Variants in CNOT6L observed in about 807,000 individuals in gnomAD.
CNOT6L encodes the protein CCR4-NOT transcription complex subunit 6-like.
A neutral mutation model predicts 64.0 loss-of-function variants in CNOT6L; 7 were observed. The ratio of observed to expected loss-of-function variants is 0.11; its 90% CI spans 0.06 to 0.21. CNOT6L has a LOEUF of 0.21. Among genes scored for constraint, CNOT6L ranks in the 10% least tolerant of loss-of-function variants. The pLI, the probability that CNOT6L is intolerant of heterozygous loss-of-function variation, is 1.00. For synonymous variants in CNOT6L, 193 were observed against 243.4 expected, an observed-to-expected ratio of 0.79 and a Z score of 1.93; for missense variants, 245 against 669.0, an observed-to-expected ratio of 0.37 and a Z score of 6.99.
At chr4:77,815,252 C>T (rs1733433510) in intron 1 of CNOT6L, among the ~76,000 whole-genome samples, 1 of 152,148 alleles carries the variant, frequency 6.6e-6, no homozygotes, top group Non-Finnish European at 1.5e-5. Context: ...AGAGAAATAA[C>T]TCAAACTGCC....
chr4:77,798,167 G>A (rs963023397), intron 1 of CNOT6L, among the ~76,000 whole-genome samples: 1 of 152,012 alleles, frequency 6.6e-6, no homozygotes, highest in African/African-American at 2.4e-5. Flanking sequence ...TCTTTACAAA[G>A]TAATACAAAA....
intron 1 of CNOT6L, among the ~76,000 whole-genome samples, chr4:77,800,293 G>C (rs1415930725): frequency 6.6e-6 from 1 of 152,054 alleles, no homozygotes; most frequent in Non-Finnish European, 1.5e-5. Flanking sequence ...CTTGAGCCCA[G>C]GCGTTCAAGG....
intron 8 of CNOT6L, among the ~76,000 whole-genome samples, chr4:77,733,677 G>A (rs911026282): frequency 6.6e-6 from 1 of 151,930 alleles, no homozygotes; most frequent in Non-Finnish European, 1.5e-5. Context: ...GGGCGTAGGG[G>A]CAGGGGAGCA....
At chr4:77,739,888 C>A (rs1032505671) in intron 8 of CNOT6L, among the ~76,000 whole-genome samples, 5 of 152,126 alleles carry the variant, frequency 3.3e-5, no homozygotes, top group African/African-American at 1.2e-4. Flanking sequence ...TTAACTACTT[C>A]TAGTAAATTG....
chr4:77,743,416 T>C (rs1723811681), intron 7 of CNOT6L, among the ~76,000 whole-genome samples: 1 of 152,078 alleles, frequency 6.6e-6, no homozygotes, highest in Admixed American at 6.6e-5. Flanking sequence ...CCCAATTCTC[T>C]GTTAGTCTCA....
At chr4:77,773,245 T>G (rs1727792576) in intron 3 of CNOT6L, 79 bp from the exon 4 acceptor site, 1 of 820,758 alleles carries the variant, frequency 1.2e-6, no homozygotes, top group African/African-American at 1.7e-5. Context: ...TTAAGGCTCC[T>G]TCTAACATAC....
chr4:77,729,454 T>G (rs1722201796), intron 9 of CNOT6L, among the ~76,000 whole-genome samples: 1 of 152,228 alleles, frequency 6.6e-6, no homozygotes, highest in Non-Finnish European at 1.5e-5. Flanking sequence ...CTCATTCACC[T>G]TGCATTTCCC....
At chr4:77,773,595 T>C (rs1473643455) in intron 3 of CNOT6L, among the ~76,000 whole-genome samples, 1 of 152,164 alleles carries the variant, frequency 6.6e-6, no homozygotes, top group African/African-American at 2.4e-5. Flanking sequence ...CTGTAATTAG[T>C]AGCCAATCAC....
chr4:77,809,877 A>G (rs973286866), intron 1 of CNOT6L, among the ~76,000 whole-genome samples: 8 of 152,108 alleles, frequency 5.3e-5, no homozygotes, highest in African/African-American at 1.9e-4. Flanking sequence ...AAGTGTTTTA[A>G]TCTCTATTTT....
chr4:77,810,852 TC>T (rs1415790717), intron 1 of CNOT6L, among the ~76,000 whole-genome samples: 1 of 152,132 alleles, frequency 6.6e-6, no homozygotes, highest in African/African-American at 2.4e-5. Context: ...TTCTAAGAGA[TC>T]GACTTTTTTT....
chr4:77,796,023 A>G (rs192761738), intron 1 of CNOT6L, among the ~76,000 whole-genome samples: 25 of 151,710 alleles, frequency 1.6e-4, no homozygotes, highest in African/African-American at 6.0e-4. Context: ...TTTATTTTAG[A>G]TTCAGGGAGT....
At position 77,715,000 on chromosome 4, in the gene CNOT6L, A is replaced by G. The variant is rs1720594751; in HGVS notation, c.*5431T>C. On this transcript the variant is annotated 3_prime_UTR_variant, in exon 12 of 12. Coordinates refer to ENST00000504123, the MANE Select transcript of CNOT6L (RefSeq NM_144571.3). ...ATTAAATTGGTACATATAACAATTG[A>G]TAGCTTGAAAGACAATACATCAGTG... 1 of 152,442 alleles carries G rather than the reference A, an allele frequency of 6.6e-6. No homozygotes were observed. The highest frequency in any genetic ancestry group is 2.1e-4 in the South Asian group (1 of 4,836). The allele number at this position is 152,442 out of a possible 1,614,324, so 9.4% of individuals were successfully genotyped here. A position where few individuals can be genotyped will look rare whatever the true frequency, so the allele number is the denominator to read the frequency against.
At chr4:77,817,296 ACTT>A (rs1013969113) in intron 1 of CNOT6L, among the ~76,000 whole-genome samples, 97 of 152,296 alleles carry the variant, frequency 6.4e-4, no homozygotes, top group African/African-American at 1.9e-3. Context: ...TTAGAAAAAA[ACTT>A]CTTATATACA....
chr4:77,793,142 G>A (rs1411448477), intron 1 of CNOT6L, among the ~76,000 whole-genome samples: 1 of 151,932 alleles, frequency 6.6e-6, no homozygotes, highest in Non-Finnish European at 1.5e-5. Context: ...AGAAAATCAA[G>A]TACCATGCAA....
chr4:77,779,046 C>CAAAAAAAAAAAAAAAAAA (rs747920305), intron 1 of CNOT6L, among the ~76,000 whole-genome samples: 4 of 67,122 alleles, frequency 6.0e-5, no homozygotes, highest in Admixed American at 2.0e-4. Context: ...GACTCTGTCT[C>CAAAAAAAAAAAAAAAAAA]AAAAAAAAAA....
chr4:77,808,277 C>T (rs183929209), intron 1 of CNOT6L, among the ~76,000 whole-genome samples: 5 of 151,870 alleles, frequency 3.3e-5, no homozygotes, highest in Admixed American at 2.0e-4. Context: ...GCCTGGCCAA[C>T]GTGGTGAAAC....
At chr4:77,748,454 A>G in intron 5 of CNOT6L, 70 bp from the exon 6 acceptor site, 1 of 980,064 alleles carries the variant, frequency 1.0e-6, no homozygotes, top group Non-Finnish European at 1.6e-6. Context: ...TTATAATGTC[A>G]AAAACACTTC....
intron 11 of CNOT6L, among the ~76,000 whole-genome samples, chr4:77,725,519 A>T (rs909416821): frequency 6.6e-6 from 1 of 152,210 alleles, no homozygotes; most frequent in Non-Finnish European, 1.5e-5. Context: ...CTTTCTAAAG[A>T]ATAGCTGGTC....
intron 1 of CNOT6L, among the ~76,000 whole-genome samples, chr4:77,792,067 G>GCC (rs1320306285): frequency 6.6e-6 from 1 of 152,046 alleles, no homozygotes. Flanking sequence ...ATTTATAAAT[G>GCC]CCCATGGATA....
Sources: allele counts gnomAD v4.1 joint callset (sites outside exome capture counted in the v4.1 genomes callset), GRCh38; gene constraint gnomAD v4.1.1; transcripts MANE v1.5; gene names NCBI Gene and HGNC (gene_info 2026-07-23, HGNC 2026-07-21).